The following TTLL11 variants were observed in gnomAD, a reference collection of about 807,000 sequenced individuals.
TTLL11 encodes tubulin polyglutamylase TTLL11.
In TTLL11, 42 loss-of-function variants were observed where a neutral mutation model predicts 51.7. The ratio of observed to expected loss-of-function variants is 0.81; its 90% CI spans 0.64 to 1.05. TTLL11 has a LOEUF of 1.05. Among genes scored for constraint, TTLL11 ranks in the 50% least tolerant of loss-of-function variants. The probability of loss-of-function intolerance (pLI) is 0.00; values close to 1 mark genes in which losing one functional copy is unlikely to be tolerated. For missense variants in TTLL11, 799 were observed against 940.4 expected (o/e 0.85, Z 1.97); for synonymous variants, 381 against 383.5 (o/e 0.99, Z 0.08).
intron 3 of TTLL11, among the ~76,000 whole-genome samples, chr9:122,003,428 CTG>C (rs142801708): frequency 0.019 from 2,862 of 150,654 alleles, 38 homozygotes; most frequent in Middle Eastern, 0.035. Context: ...AGCAATTAAT[CTG>C]TGAGACCATT....
At chr9:121,841,154 C>T (rs1333057022) in intron 8 of TTLL11, among the ~76,000 whole-genome samples, 1 of 152,130 alleles carries the variant, frequency 6.6e-6, no homozygotes, top group Non-Finnish European at 1.5e-5. Context: ...AGGAAGGAGA[C>T]ACCATGAGCA....
intron 3 of TTLL11, among the ~76,000 whole-genome samples, chr9:122,021,154 C>G (rs1464988231): frequency 6.6e-6 from 1 of 152,122 alleles, no homozygotes; most frequent in East Asian, 1.9e-4. Flanking sequence ...CAACAAAGGA[C>G]AGTGATTCCT....
chr9:122,066,171 G>A (rs943182617), intron 1 of TTLL11, among the ~76,000 whole-genome samples: 1 of 151,562 alleles, frequency 6.6e-6, no homozygotes, highest in African/African-American at 2.4e-5. Context: ...TCAAAGGCTG[G>A]TGGACTGGGG....
At chr9:121,856,023 C>A (rs1837807240) in intron 8 of TTLL11, among the ~76,000 whole-genome samples, 1 of 152,188 alleles carries the variant, frequency 6.6e-6, no homozygotes, top group African/African-American at 2.4e-5. Flanking sequence ...ATGGAAAGGG[C>A]AGCAGACACT....
At chr9:121,943,415 G>A (rs536237970) in intron 6 of TTLL11, among the ~76,000 whole-genome samples, 1 of 152,272 alleles carries the variant, frequency 6.6e-6, no homozygotes, top group Admixed American at 6.5e-5. Flanking sequence ...GTGAGTCCGT[G>A]AATGCAGGAA....
chr9:121,934,322 C>T (rs1458613265), intron 6 of TTLL11, among the ~76,000 whole-genome samples: 1 of 152,162 alleles, frequency 6.6e-6, no homozygotes, highest in Non-Finnish European at 1.5e-5. Flanking sequence ...TATATAACGT[C>T]ATACCTGCAA....
At chr9:121,976,568 C>T (rs1197921052) in intron 4 of TTLL11, among the ~76,000 whole-genome samples, 1 of 152,142 alleles carries the variant, frequency 6.6e-6, no homozygotes, top group Non-Finnish European at 1.5e-5. Context: ...GTAGACTCCC[C>T]TTCTCTGTGG....
At chr9:121,956,389 A>G (rs1224361521) in intron 6 of TTLL11, among the ~76,000 whole-genome samples, 1 of 152,280 alleles carries the variant, frequency 6.6e-6, no homozygotes, top group Non-Finnish European at 1.5e-5. Context: ...CAGGGAAAGG[A>G]AACATTCCTA....
chr9:121,849,410 C>T (rs531955131), intron 8 of TTLL11, among the ~76,000 whole-genome samples: 1 of 152,208 alleles, frequency 6.6e-6, no homozygotes, highest in Admixed American at 6.5e-5. Flanking sequence ...TTAAGTTGAA[C>T]TTTATTAAGA....
chr9:121,844,573 A>G (rs1403494396), intron 8 of TTLL11, among the ~76,000 whole-genome samples: 2 of 152,240 alleles, frequency 1.3e-5, no homozygotes, highest in Non-Finnish European at 2.9e-5. Context: ...GAATTATCCA[A>G]TGGAGAATAC....
rs185479007 is a variant in TTLL11, at chr9:122,087,661, A to C, written c.462+5026T>G. On this transcript the variant is annotated intron_variant, in intron 1 of 8. Coordinates refer to ENST00000321582, the MANE Select transcript of TTLL11 (RefSeq NM_001139442.2). ...ACATAAACACAACCTACATCTCCAAAGAGGGCAGCTCACAACAAAAGTGGC... is the reference window on the plus strand; with the variant it reads ...ACATAAACACAACCTACATCTCCAACGAGGGCAGCTCACAACAAAAGTGGC... 4.4e-4 allele frequency among the ~76,000 whole-genome samples: 67 copies of C among 152,288 alleles called. No individual in the cohort carries two copies. The East Asian group carries it at 8.7e-3, about 20-fold the overall frequency.
intron 6 of TTLL11, among the ~76,000 whole-genome samples, chr9:121,944,191 A>G (rs367908079): frequency 6.6e-6 from 1 of 152,228 alleles, no homozygotes; most frequent in Admixed American, 6.5e-5. Context: ...AGAATTTGGG[A>G]CTTCACTAGT....
intron 6 of TTLL11, among the ~76,000 whole-genome samples, chr9:121,965,801 A>G (rs1215802874): frequency 6.6e-6 from 1 of 152,206 alleles, no homozygotes. Flanking sequence ...TTTAAGGGGC[A>G]GGGTTCTGGG....
At chr9:122,019,205 C>A (rs184030408) in intron 3 of TTLL11, among the ~76,000 whole-genome samples, 2 of 152,302 alleles carry the variant, frequency 1.3e-5, no homozygotes, top group African/African-American at 4.8e-5. Flanking sequence ...CCTTCAGCAT[C>A]TCTTCTGCCT....
chr9:122,041,112 T>C (rs1357100867), intron 1 of TTLL11, among the ~76,000 whole-genome samples: 4 of 152,146 alleles, frequency 2.6e-5, no homozygotes, highest in Non-Finnish European at 5.9e-5. Flanking sequence ...AATACCAAAT[T>C]GCCCCCCCTT....
chr9:121,949,437 A>G (rs1293311980), intron 6 of TTLL11, among the ~76,000 whole-genome samples: 8 of 152,180 alleles, frequency 5.3e-5, no homozygotes, highest in Non-Finnish European at 1.0e-4. Context: ...TGACTAAGAC[A>G]CATTCACCAG....
intron 6 of TTLL11, among the ~76,000 whole-genome samples, chr9:121,956,228 C>T (rs1266187911): frequency 6.6e-6 from 1 of 151,918 alleles, no homozygotes; most frequent in African/African-American, 2.4e-5. Flanking sequence ...TGCCTGAAAA[C>T]CAGCTGGAAG....
intron 1 of TTLL11, among the ~76,000 whole-genome samples, chr9:122,081,893 T>A (rs994971443): frequency 6.6e-6 from 1 of 152,112 alleles, no homozygotes; most frequent in East Asian, 1.9e-4. Flanking sequence ...ATCCAAAAGA[T>A]AAAATGAACA....
chr9:121,818,544 C>T lies in TTLL11; in HGVS notation c.*4043G>A, dbSNP rs908252767. 8.5e-5 allele frequency: 13 copies of T among 152,286 alleles called. No individual in the cohort carries two copies. Among genetic ancestry groups the T allele is most frequent in the African/African-American group, 2.7e-4 (11 of 41,464 alleles). 9.4% of individuals were successfully genotyped at this position (152,286 alleles called of 1,614,324 possible). On this transcript the variant is annotated 3_prime_UTR_variant, in exon 9 of 9. Transcript: ENST00000321582. Reference sequence around the variant, plus strand: ...GCAGGAACGCACAGCTGGGTGGGAACCAATGCTGTGGTCCCACAGTGCGCG... The same window carrying T: ...GCAGGAACGCACAGCTGGGTGGGAATCAATGCTGTGGTCCCACAGTGCGCG...
Sources: gnomAD v4.1 joint callset for allele counts (sites outside exome capture counted in the v4.1 genomes callset) on GRCh38, gnomAD v4.1.1 for gene constraint, MANE v1.5 for transcripts, NCBI Gene and HGNC (gene_info 2026-07-23, HGNC 2026-07-21) for gene names.